The following TRMT1L variants were observed in gnomAD, a reference collection of about 807,000 sequenced individuals.
TRMT1L encodes tRNA methyltransferase 1L.
TRMT1L carries 28 observed loss-of-function variants against 81.6 expected under a neutral mutation model. That is an observed-to-expected ratio of 0.34 (90% CI 0.25 to 0.47). TRMT1L has a LOEUF of 0.47. TRMT1L is among the 20% of genes least tolerant of loss of function. The pLI is 1.00. For missense variants in TRMT1L, 739 were observed against 877.1 expected (o/e 0.84, Z 1.99); for synonymous variants, 301 against 303.2 (o/e 0.99, Z 0.07).
Position 185,154,101 on chromosome 1 carries a change from T to C in TRMT1L, c.236-2166A>G, listed in dbSNP as rs564926429. ...GAAGTTAAAAAAATTGTTAGACTTT[T>C]TGGATGCAGTAGCACACTGTGTCAA... On this transcript the variant is annotated intron_variant, in intron 1 of 14. Coordinates refer to ENST00000367506, the MANE Select transcript of TRMT1L (RefSeq NM_030934.5). 4.6e-5 allele frequency among the ~76,000 whole-genome samples: 7 copies of C among 152,376 alleles called. No homozygotes were observed. The East Asian group carries it at 1.2e-3, about 25-fold the overall frequency.
At chr1:185,120,590 T>C in intron 13 of TRMT1L, 81 bp from the exon 14 acceptor site, 1 of 1,237,224 alleles carries the variant, frequency 8.1e-7, no homozygotes, top group Non-Finnish European at 1.0e-6. Context: ...TTATCTCAAG[T>C]ATAAATCCTG....
chr1:185,145,219 C>T (rs1248181025), intron 5 of TRMT1L, among the ~76,000 whole-genome samples: 1 of 151,822 alleles, frequency 6.6e-6, no homozygotes, highest in Non-Finnish European at 1.5e-5. Context: ...TTGAGTGTCA[C>T]TTACTTTTTT....
At chr1:185,126,963 C>T (rs925864474) in intron 11 of TRMT1L, among the ~76,000 whole-genome samples, 2 of 152,186 alleles carry the variant, frequency 1.3e-5, no homozygotes, top group African/African-American at 4.8e-5. Context: ...TGCCACTGCA[C>T]TTCAGCCTGG....
Position 185,156,827 on chromosome 1 carries a change from G to C in TRMT1L, c.-115C>G. 7.1e-7 allele frequency: 1 copy of C among 1,406,698 alleles called. No individual in the cohort carries two copies. Among genetic ancestry groups the C allele is most frequent in the Non-Finnish European group, 9.6e-7 (1 of 1,046,468 alleles). 87.1% of individuals were successfully genotyped at this position (1,406,698 alleles called of 1,614,324 possible). ...GATCCAAGGAGTGGGGAAGCAAGTG[G>C]GGAGGGCGGGATGCGTGCAACAGAC... On this transcript the variant is annotated 5_prime_UTR_variant, in exon 1 of 15. Coordinates refer to ENST00000367506, the MANE Select transcript of TRMT1L (RefSeq NM_030934.5).
Position 185,120,259 on chromosome 1 carries a change from A to G in TRMT1L, c.1962T>C (p.Phe654=), listed in dbSNP as rs754906268. The part of the protein sequence containing the change: ...KGMNMPKLKK[F]LCYLSQAGFR... ...AGCCTGCTTGAGATAAATAGCACAA[A>G]AACTTTTTTAACCTGCAAAAAGGAA... is the stretch of plus-strand genomic sequence containing the variant. Residue 654 remains phenylalanine, a synonymous_variant, in exon 15 of 15, where the codon TTT becomes TTC. Transcript: ENST00000367506. The G allele has an allele frequency of 6.4e-7, 1 of 1,558,548 alleles. No homozygotes were observed. The highest frequency in any genetic ancestry group is 8.7e-7 in the Non-Finnish European group (1 of 1,151,546).
intron 10 of TRMT1L, among the ~76,000 whole-genome samples, chr1:185,130,479 T>C (rs895946447): frequency 7.2e-5 from 11 of 151,950 alleles, no homozygotes; most frequent in Non-Finnish European, 1.6e-4. Context: ...ACCAGAAAAA[T>C]CTAAAGCATA....
In TRMT1L at chr1:185,156,469, T is replaced by C; in HGVS notation, c.235+9A>G. 6.2e-7 allele frequency: 1 copy of C among 1,613,926 alleles called. No homozygotes were observed. The highest frequency in any genetic ancestry group is 8.5e-7 in the Non-Finnish European group (1 of 1,179,870). ...CTGCAGCAGAAAGATCTGGGCCTTC[T>C]GCACTTACTGCTTTTAGCCTCCTCA... On this transcript the variant is annotated intron_variant, in intron 1 of 14. Coordinates refer to ENST00000367506, the MANE Select transcript of TRMT1L (RefSeq NM_030934.5).
intron 11 of TRMT1L, among the ~76,000 whole-genome samples, chr1:185,128,118 A>C (rs1028266777): frequency 3.9e-5 from 6 of 152,216 alleles, no homozygotes; most frequent in East Asian, 1.9e-4. Flanking sequence ...CTGTCTCAAA[A>C]AAACAAACAA....
chr1:185,152,089 G>A (rs538816458), intron 1 of TRMT1L, among the ~76,000 whole-genome samples, 154 bp from the exon 2 acceptor site: 3 of 152,344 alleles, frequency 2.0e-5, no homozygotes, highest in East Asian at 1.9e-4. Context: ...AATAACAAGT[G>A]TGCTTTAGAA....
rs1284627992 is a variant in TRMT1L at position 185,139,924 on chromosome 1, A to G, written c.1109+49T>C. ...AATTTTTAACTACTCCTCGTCCCCA[A>G]AATTTCAGATAAGTTTAGAAAGTGA... On this transcript the variant is annotated intron_variant, in intron 8 of 14. Transcript: ENST00000367506. 1.9e-6 allele frequency: 3 copies of G among 1,549,696 alleles called. No homozygotes were observed. The African/African-American group carries it at 4.1e-5, about 21-fold the overall frequency.
At chr1:185,126,870 G>A (rs1014049969) in intron 11 of TRMT1L, among the ~76,000 whole-genome samples, 1 of 152,216 alleles carries the variant, frequency 6.6e-6, no homozygotes, top group African/African-American at 2.4e-5. Flanking sequence ...AGTGGCACAT[G>A]CCTGTAGTCC....
At chr1:185,156,413 C>T in intron 1 of TRMT1L, 65 bp downstream of exon 1, 3 of 1,612,862 alleles carry the variant, frequency 1.9e-6, no homozygotes, top group African/African-American at 1.3e-5. Flanking sequence ...AGGGCCTCCC[C>T]TACTTCCCAG....
At chr1:185,130,658 T>C (rs1652746980) in intron 10 of TRMT1L, among the ~76,000 whole-genome samples, 1 of 152,192 alleles carries the variant, frequency 6.6e-6, no homozygotes, top group African/African-American at 2.4e-5. Flanking sequence ...CAATTAAAAC[T>C]CCAGATCTTC....
chr1:185,122,298 C>A (rs565466533), intron 13 of TRMT1L, among the ~76,000 whole-genome samples: 2 of 152,272 alleles, frequency 1.3e-5, no homozygotes, highest in South Asian at 4.1e-4. Flanking sequence ...ATAGTACTAT[C>A]ATTTTAAGAT....
At chr1:185,155,934 C>T (rs745617334) in intron 1 of TRMT1L, among the ~76,000 whole-genome samples, 8 of 152,170 alleles carry the variant, frequency 5.3e-5, no homozygotes, top group Non-Finnish European at 7.3e-5. Flanking sequence ...TACTACTCAG[C>T]CTCAAAATCT....
In TRMT1L at chr1:185,140,026, C is replaced by T. The variant is rs748408894; in HGVS notation, c.1056G>A (p.Lys352=). 1.5e-4 allele frequency: 248 copies of T among 1,613,670 alleles called. 4 individuals are homozygous for T. In the South Asian group the frequency reaches 2.6e-3, roughly 17 times the overall value. ...GTACATTGGCATCCATTTTGGTCAC[C>T]TTAATATTACCAAGATTTTTCTCTC... ...EEGEKNLGNI[K]VTKMDANVLM... Residue 352 remains lysine, a synonymous_variant, in exon 8 of 15, where the codon AAG becomes AAA. Coordinates refer to ENST00000367506, the MANE Select transcript of TRMT1L (RefSeq NM_030934.5).
intron 10 of TRMT1L, among the ~76,000 whole-genome samples, chr1:185,134,985 A>T (rs1030767625): frequency 6.6e-6 from 1 of 152,252 alleles, no homozygotes; most frequent in Admixed American, 6.5e-5. Context: ...AACAAACAAA[A>T]ATTAGGAAGG....
chr1:185,134,441 C>A, intron 10 of TRMT1L, among the ~76,000 whole-genome samples: 1 of 152,244 alleles, frequency 6.6e-6, no homozygotes, highest in African/African-American at 2.4e-5. Context: ...TCCGCCTCAG[C>A]CTCCCAAACT....
intron 12 of TRMT1L, among the ~76,000 whole-genome samples, chr1:185,124,291 T>C (rs2102228993): frequency 6.6e-6 from 1 of 152,230 alleles, no homozygotes; most frequent in African/African-American, 2.4e-5. Flanking sequence ...AAAAGTTTCT[T>C]TTTCTAGAAA....
Sources: gnomAD v4.1 joint callset for allele counts (sites outside exome capture counted in the v4.1 genomes callset) on GRCh38, gnomAD v4.1.1 for gene constraint, MANE v1.5 for transcripts, NCBI Gene and HGNC (gene_info 2026-07-23, HGNC 2026-07-21) for gene names.